OSBPL1A: variants seen among roughly 807,000 people sequenced by gnomAD.
OSBPL1A encodes oxysterol binding protein like 1A, also known as oxysterol-binding protein-related protein 1.
In OSBPL1A, 80 loss-of-function variants were observed where a neutral mutation model predicts 137.1. The observed-to-expected ratio is 0.58, with a 90% confidence interval of 0.49 to 0.70. The LOEUF (loss-of-function observed/expected upper bound fraction) is 0.70, where lower values mean the gene tolerates loss of function less well. Ranked by LOEUF, OSBPL1A falls within the 30% of genes least tolerant of loss-of-function variation. The pLI, the probability that OSBPL1A is intolerant of heterozygous loss-of-function variation, is 0.00. For missense variants in OSBPL1A, 970 were observed against 1,129.4 expected, an observed-to-expected ratio of 0.86 and a Z score of 2.02; for synonymous variants, 365 against 389.7, an observed-to-expected ratio of 0.94 and a Z score of 0.75.
Position 24,277,851 on chromosome 18 carries a change from G to A in OSBPL1A, c.1281+2991C>T, listed in dbSNP as rs371815395. On this transcript the variant is annotated intron_variant, in intron 15 of 27. Transcript: ENST00000319481. ...CTTATTGTTGAGAAGGAAATCTATG[G>A]ATTCTAAGTGTTTCATGGAGTTGAT... is the stretch of plus-strand genomic sequence containing the variant. Among the ~76,000 whole-genome samples, 7 of 152,260 alleles carry A rather than the reference G, an allele frequency of 4.6e-5. No individual in the cohort carries two copies. In the East Asian group the frequency reaches 9.6e-4, roughly 21 times the overall value.
intron 4 of OSBPL1A, among the ~76,000 whole-genome samples, chr18:24,365,605 G>C (rs1471735841): frequency 6.6e-6 from 1 of 151,724 alleles, no homozygotes; most frequent in Non-Finnish European, 1.5e-5. Context: ...AAAAGTTTAG[G>C]AAAGGCAAAT....
intron 15 of OSBPL1A, among the ~76,000 whole-genome samples, chr18:24,244,204 T>G (rs1210635663): frequency 6.6e-6 from 1 of 152,240 alleles, no homozygotes; most frequent in African/African-American, 2.4e-5. Flanking sequence ...TCTTAATGTC[T>G]TTGTAATTCC....
intron 15 of OSBPL1A, among the ~76,000 whole-genome samples, chr18:24,253,361 G>GT (rs2089170430): frequency 6.6e-6 from 1 of 152,160 alleles, no homozygotes; most frequent in Non-Finnish European, 1.5e-5. Flanking sequence ...AAGACAAACT[G>GT]TAACAAGAGA....
Position 24,271,622 on chromosome 18 carries a change from C to A in OSBPL1A, c.1281+9220G>T. The A allele has an allele frequency of 2.0e-6, 2 of 986,056 alleles. No individual in the cohort carries two copies. The highest frequency in any genetic ancestry group is 2.4e-6 in the Non-Finnish European group (2 of 830,430). The allele number at this position is 986,056 out of a possible 1,614,324, so 61.1% of individuals were successfully genotyped here. Reference sequence around the variant, plus strand: ...CCGAGCTGCAAATACACCCACCTACCTGGGCCAGATCCGAGGACCCCGGCT... The same window carrying A: ...CCGAGCTGCAAATACACCCACCTACATGGGCCAGATCCGAGGACCCCGGCT... On this transcript the variant is annotated intron_variant, in intron 15 of 27. Coordinates refer to ENST00000319481, the MANE Select transcript of OSBPL1A (RefSeq NM_080597.4). The surrounding 1 kb of genome is among the most constrained non-coding windows in gnomAD (Gnocchi z 4.0).
chr18:24,217,237 T>C (rs1301829460), intron 17 of OSBPL1A, among the ~76,000 whole-genome samples: 2 of 151,590 alleles, frequency 1.3e-5, no homozygotes, highest in Admixed American at 6.6e-5. Context: ...CTCTTCTTTA[T>C]TTTTTGAGAC....
In OSBPL1A at chr18:24,341,539, A is replaced by G. The variant is rs376296756; in HGVS notation, c.394+8T>C. 1,094 of 1,596,810 alleles carry G rather than the reference A, an allele frequency of 6.9e-4. 4 individuals carry two copies. The African/African-American group carries it at 0.013, about 19-fold the overall frequency. ...AATGCTGTTTATGTTCACATCCATG[A>G]TATTTACCTTCAAGCATGCTTCTGA... is the stretch of plus-strand genomic sequence containing the variant. On this transcript the variant is annotated splice_region_variant and intron_variant, in intron 5 of 27. Coordinates refer to ENST00000319481, the MANE Select transcript of OSBPL1A (RefSeq NM_080597.4).
chr18:24,306,171 A>G (rs2090497021), intron 13 of OSBPL1A, among the ~76,000 whole-genome samples: 1 of 152,246 alleles, frequency 6.6e-6, no homozygotes, highest in African/African-American at 2.4e-5. Flanking sequence ...AACAAGGATT[A>G]AACCCATTGA....
At chr18:24,318,706 T>G in intron 8 of OSBPL1A, 42 bp downstream of exon 8, 3 of 1,592,160 alleles carry the variant, frequency 1.9e-6, no homozygotes, top group Non-Finnish European at 2.6e-6. Context: ...CAAAAATTTT[T>G]TTCTAAAAAT....
chr18:24,219,677 T>C (rs1348313601), intron 17 of OSBPL1A, among the ~76,000 whole-genome samples: 1 of 152,050 alleles, frequency 6.6e-6, no homozygotes, highest in African/African-American at 2.4e-5. Context: ...ATGCTAGAAC[T>C]GGAAGCAGTT....
chr18:24,280,270 C>T (rs376783241), intron 15 of OSBPL1A, among the ~76,000 whole-genome samples: 3 of 151,832 alleles, frequency 2.0e-5, no homozygotes, highest in Non-Finnish European at 2.9e-5. Flanking sequence ...TTGGTAGAGA[C>T]GGGGTTTCAG....
chr18:24,205,030 T>C (rs1162825846), intron 17 of OSBPL1A, among the ~76,000 whole-genome samples: 1 of 152,224 alleles, frequency 6.6e-6, no homozygotes, highest in African/African-American at 2.4e-5. Flanking sequence ...TGAATACTAA[T>C]GGCTAGCATT....
chr18:24,167,691 T>C (rs372726705), intron 24 of OSBPL1A, among the ~76,000 whole-genome samples: 3 of 152,304 alleles, frequency 2.0e-5, no homozygotes, highest in African/African-American at 7.2e-5. Context: ...AAAAAAGAGA[T>C]ATACATAAAA....
At chr18:24,183,013 T>G (rs1165964606) in intron 18 of OSBPL1A, among the ~76,000 whole-genome samples, 1 of 151,764 alleles carries the variant, frequency 6.6e-6, no homozygotes, top group Non-Finnish European at 1.5e-5. Flanking sequence ...GGATTACAGA[T>G]GTGCACCACC....
chr18:24,166,381 G>A (rs1005397776), intron 26 of OSBPL1A, among the ~76,000 whole-genome samples, 198 bp downstream of exon 26: 4 of 152,078 alleles, frequency 2.6e-5, no homozygotes, highest in Non-Finnish European at 5.9e-5. Flanking sequence ...ACAATAATAT[G>A]AGCTAATAAG....
intron 18 of OSBPL1A, 195 bp downstream of exon 18, chr18:24,195,930 G>A (rs1012819700): frequency 3.2e-5 from 16 of 501,882 alleles, no homozygotes; most frequent in Middle Eastern, 5.6e-4. Context: ...CATCAAAAAT[G>A]CACACTAAAG....
Position 24,225,218 on chromosome 18 carries a change from T to C in OSBPL1A, c.1445-20A>G, listed in dbSNP as rs376415714. 3.6e-5 allele frequency: 58 copies of C among 1,613,670 alleles called. No homozygotes were observed. In the African/African-American group the frequency reaches 6.7e-4, roughly 19 times the overall value. On this transcript the variant is annotated intron_variant, in intron 16 of 27. Transcript: ENST00000319481. Reference sequence around the variant, plus strand: ...CGGAATCTGTGGCAGAGCAGGTTCATAGTTAATGAATTGAACTTGGGTGTG... The same window carrying C: ...CGGAATCTGTGGCAGAGCAGGTTCACAGTTAATGAATTGAACTTGGGTGTG...
chr18:24,267,859 T>A (rs540645914), intron 15 of OSBPL1A, among the ~76,000 whole-genome samples: 2,259 of 150,262 alleles, frequency 0.015, 50 homozygotes, highest in African/African-American at 0.053. Context: ...TTTTTTTTTT[T>A]AAATCAGGGA....
At chr18:24,321,343 C>T (rs1429561573) in intron 7 of OSBPL1A, among the ~76,000 whole-genome samples, 1 of 152,180 alleles carries the variant, frequency 6.6e-6, no homozygotes, top group Admixed American at 6.5e-5. Context: ...AACAGTTCAA[C>T]TTAATGGTTT....
At position 24,209,376 on chromosome 18, in the gene OSBPL1A, T is replaced by C. The variant is rs144476953; in HGVS notation, c.1602-13176A>G. Among the ~76,000 whole-genome samples the C allele has an allele frequency of 9.8e-3, 1,492 of 152,300 alleles. 21 individuals carry two copies. Among genetic ancestry groups the C allele is most frequent in the Middle Eastern group, 0.044 (13 of 294 alleles). ...AACCACAGAACAAGGTACCATGTCA[T>C]ACCTACAAAACATCAAATGTTGGTG... On this transcript the variant is annotated intron_variant, in intron 17 of 27. Transcript: ENST00000319481.
Sources: allele counts gnomAD v4.1 joint callset (sites outside exome capture counted in the v4.1 genomes callset), GRCh38; gene constraint gnomAD v4.1.1; non-coding constraint Gnocchi (gnomAD v3.1); transcripts MANE v1.5; gene names NCBI Gene and HGNC (gene_info 2026-07-23, HGNC 2026-07-21).